SYNPO2: variants seen among roughly 807,000 people sequenced by gnomAD.
SYNPO2 encodes synaptopodin-2.
In SYNPO2, 56 loss-of-function variants were observed where a neutral mutation model predicts 85.0. That is an observed-to-expected ratio of 0.66 (90% CI 0.53 to 0.82). The LOEUF is 0.82. SYNPO2 is among the 40% of genes least tolerant of loss of function. The pLI is 0.00. For synonymous variants in SYNPO2, 602 were observed against 591.1 expected, an observed-to-expected ratio of 1.02 and a Z score of -0.27; for missense variants, 1,575 against 1,534.2, an observed-to-expected ratio of 1.03 and a Z score of -0.44.
At chr4:119,012,617 CA>C (rs1737364972) in intron 1 of SYNPO2, among the ~76,000 whole-genome samples, 1 of 152,088 alleles carries the variant, frequency 6.6e-6, no homozygotes, top group Admixed American at 6.5e-5. Flanking sequence ...TCTCATTGTT[CA>C]ACTCCCACTT....
In SYNPO2 at chr4:118,874,110, C is replaced by T. The variant is rs1316715005; in HGVS notation, c.12+23170C>T. On this transcript the variant is annotated intron_variant, in intron 1 of 4. Coordinates refer to the SYNPO2 transcript ENST00000610556. ...TTATACCAGTACCATGCTGTTTTGGCTACTATAGCCTTGTAGTATAATTTG... is the reference window on the plus strand; with the variant it reads ...TTATACCAGTACCATGCTGTTTTGGTTACTATAGCCTTGTAGTATAATTTG... Among the ~76,000 whole-genome samples the T allele has an allele frequency of 3.3e-5, 5 of 152,068 alleles. No homozygotes were observed. In the South Asian group the frequency reaches 1.0e-3, roughly 32 times the overall value.
intron 1 of SYNPO2, among the ~76,000 whole-genome samples, chr4:118,879,043 A>G (rs1315054175): frequency 6.6e-6 from 1 of 152,168 alleles, no homozygotes; most frequent in Non-Finnish European, 1.5e-5. Flanking sequence ...ACAACTCCGG[A>G]GGCACCACCT....
At chr4:119,026,361 A>C (rs1737943333) in intron 2 of SYNPO2, among the ~76,000 whole-genome samples, 1 of 152,220 alleles carries the variant, frequency 6.6e-6, no homozygotes. Context: ...AGTTTTTTAA[A>C]AATAAAAGCT....
intron 1 of SYNPO2, among the ~76,000 whole-genome samples, chr4:118,983,502 A>T (rs536378643): frequency 6.6e-6 from 1 of 152,250 alleles, no homozygotes; most frequent in South Asian, 2.1e-4. Context: ...CTCTTAGTGC[A>T]TTACATTCCT....
Position 119,026,868 on chromosome 4 carries a change from G to T in SYNPO2, c.499G>T (p.Ala167Ser). 10 of 1,614,088 alleles carry T rather than the reference G, an allele frequency of 6.2e-6. No individual in the cohort carries two copies. The highest frequency in any genetic ancestry group is 8.5e-6 in the Non-Finnish European group (10 of 1,180,004). ...AGAAACAGGCCCGAGCTACCAAAGG[G>T]CTCCCCAAATGCCTGACTCCCAAAG... ...KEETGPSYQR[A>S]PQMPDSQRGR... Residue 167 changes from alanine (A) to serine (S), a missense_variant, in exon 3 of 5, where the codon GCT becomes TCT. Around this residue, in one of 3 missense-constraint regions of SYNPO2, gnomAD observed 1,508 missense variants for 1,446.8 expected, o/e 1.04. Coordinates refer to ENST00000307142, the MANE Select transcript of SYNPO2 (RefSeq NM_133477.3).
Position 118,889,016 on chromosome 4 carries a change from C to A in SYNPO2, c.-21C>A. ...CGTCTGTCTCGTCAAGCTCTTCATG[C>A]TGCCCAACTAAAAGGAAAACATGGG... On this transcript the variant is annotated 5_prime_UTR_variant, in exon 1 of 5. It adds an upstream start codon to the 5' untranslated region. Coordinates refer to ENST00000307142, the MANE Select transcript of SYNPO2 (RefSeq NM_133477.3). The A allele has an allele frequency of 6.2e-7, 1 of 1,611,606 alleles. No individual in the cohort carries two copies. The highest frequency in any genetic ancestry group is 2.2e-5 in the East Asian group (1 of 44,846).
At chr4:118,991,793 G>T (rs545971827) in intron 1 of SYNPO2, among the ~76,000 whole-genome samples, 36 of 152,260 alleles carry the variant, frequency 2.4e-4, no homozygotes, top group African/African-American at 7.9e-4. Flanking sequence ...AAGAATCAAT[G>T]GGTAAGAAAC....
chr4:118,928,681 T>C (rs1163675734), intron 1 of SYNPO2, among the ~76,000 whole-genome samples: 1 of 152,190 alleles, frequency 6.6e-6, no homozygotes, highest in Non-Finnish European at 1.5e-5. Context: ...CTTTATTTTA[T>C]AAATGCCTGG....
chr4:119,029,490 G>A (rs1274892212), intron 3 of SYNPO2, among the ~76,000 whole-genome samples: 3 of 151,966 alleles, frequency 2.0e-5, no homozygotes, highest in Non-Finnish European at 4.4e-5. Flanking sequence ...AAAATATTAT[G>A]TCTTTAAATT....
chr4:118,890,855 C>T (rs184796989), intron 1 of SYNPO2, among the ~76,000 whole-genome samples: 16 of 152,092 alleles, frequency 1.1e-4, no homozygotes, highest in South Asian at 1.0e-3. Context: ...AAGTATTCTA[C>T]GATCCTGATA....
At chr4:119,055,157 A>T (rs183928741) in intron 4 of SYNPO2, among the ~76,000 whole-genome samples, 3,394 of 129,432 alleles carry the variant, frequency 0.026, 79 homozygotes, top group African/African-American at 0.085. Flanking sequence ...TTATTTATTT[A>T]TTTTTTTTTT....
intron 1 of SYNPO2, among the ~76,000 whole-genome samples, chr4:118,996,464 C>A (rs547470989): frequency 1.4e-4 from 22 of 152,282 alleles, no homozygotes; most frequent in African/African-American, 5.1e-4. Flanking sequence ...AATTGTATAT[C>A]ATTTCCATAT....
At chr4:118,889,165 G>A in intron 1 of SYNPO2, 24 bp downstream of exon 1, 3 of 1,610,068 alleles carry the variant, frequency 1.9e-6, no homozygotes, top group Non-Finnish European at 2.5e-6. Flanking sequence ...GAAGTGTCAC[G>A]GCTCTGTGCT....
chr4:119,009,839 A>G (rs890960040), intron 1 of SYNPO2, among the ~76,000 whole-genome samples: 1 of 152,236 alleles, frequency 6.6e-6, no homozygotes, highest in South Asian at 2.1e-4. Context: ...AGTCTCAAAC[A>G]CTAGTGTGTA....
chr4:118,894,151 T>TA lies in SYNPO2; in HGVS notation c.105+5020dup, dbSNP rs76672938. On this transcript the variant is annotated intron_variant, in intron 1 of 4. Transcript: ENST00000307142. ...TTGTCATGAAAATTCAAGAAGAGGT[T>TA]AAAAAAAAAAGTGAGGCCAGATAGG... Among the ~76,000 whole-genome samples, 715 of 147,422 alleles carry TA rather than the reference T, an allele frequency of 4.9e-3. 7 individuals are homozygous for TA. The highest frequency in any genetic ancestry group is 0.016 in the African/African-American group (636 of 40,350).
intron 1 of SYNPO2, among the ~76,000 whole-genome samples, chr4:118,912,363 T>G (rs28537651): frequency 1.1e-3 from 167 of 152,262 alleles, no homozygotes; most frequent in African/African-American, 3.9e-3. Context: ...GTACTTTTAG[T>G]AGACACAGGG....
chr4:119,019,879 G>A (rs1356530451), intron 1 of SYNPO2, among the ~76,000 whole-genome samples: 1 of 152,096 alleles, frequency 6.6e-6, no homozygotes, highest in Non-Finnish European at 1.5e-5. Context: ...GAGACTGGTT[G>A]ATAAGTTCAC....
intron 1 of SYNPO2, among the ~76,000 whole-genome samples, chr4:119,013,840 G>A (rs1336818791): frequency 6.6e-6 from 1 of 152,148 alleles, no homozygotes; most frequent in East Asian, 1.9e-4. Context: ...CATTCAAAAT[G>A]CAAAATGGAC....
At chr4:119,052,653 G>A (rs1296746962) in intron 4 of SYNPO2, among the ~76,000 whole-genome samples, 1 of 152,176 alleles carries the variant, frequency 6.6e-6, no homozygotes, top group African/African-American at 2.4e-5. Flanking sequence ...TTCCCTGAAG[G>A]AAGGCAGCCT....
Sources: gnomAD v4.1 joint callset for allele counts (sites outside exome capture counted in the v4.1 genomes callset) on GRCh38, gnomAD v4.1.1 for gene constraint, gnomAD v4.1.1 regional missense constraint, MANE v1.5 for transcripts, NCBI Gene and HGNC (gene_info 2026-07-23, HGNC 2026-07-21) for gene names.